The following GOLM2 variants were observed in gnomAD, a reference collection of about 807,000 sequenced individuals.
GOLM2 encodes golgi membrane protein 2.
Under a neutral mutation model 55.9 loss-of-function variants are expected in GOLM2, and 26 were observed. The ratio of observed to expected loss-of-function variants is 0.47; its 90% CI spans 0.34 to 0.65. The LOEUF (loss-of-function observed/expected upper bound fraction) is 0.65, where lower values mean the gene tolerates loss of function less well. GOLM2 is among the 30% of genes least tolerant of loss of function. The pLI is 0.01. For missense variants in GOLM2, 486 were observed against 531.8 expected (o/e 0.91, Z 0.85); for synonymous variants, 165 against 194.6 (o/e 0.85, Z 1.27).
At chr15:44,359,589 A>AAAACAAAC (rs201500531) in intron 6 of GOLM2, among the ~76,000 whole-genome samples, 1 of 152,158 alleles carries the variant, frequency 6.6e-6, no homozygotes, top group East Asian at 1.9e-4. Flanking sequence ...CTCCGTCTCA[A>AAAACAAAC]AAACAAACAA....
chr15:44,312,364 T>C (rs1266768374), intron 1 of GOLM2, among the ~76,000 whole-genome samples: 1 of 152,092 alleles, frequency 6.6e-6, no homozygotes, highest in African/African-American at 2.4e-5. Flanking sequence ...CCATTTAAAC[T>C]TTTTTTCTCC....
chr15:44,360,108 G>T (rs574217379), intron 6 of GOLM2, among the ~76,000 whole-genome samples: 2 of 152,280 alleles, frequency 1.3e-5, no homozygotes, highest in Admixed American at 1.3e-4. Context: ...ATGCCAAAAT[G>T]TAAAGACCAT....
chr15:44,366,296 CA>C lies in GOLM2; in HGVS notation c.803-13376del, dbSNP rs34413737. Among the ~76,000 whole-genome samples, 249 of 55,512 alleles carry C rather than the reference CA, an allele frequency of 4.5e-3. 1 individual carries two copies. The highest frequency in any genetic ancestry group is 0.023 in the South Asian group (42 of 1,816). 36.4% of individuals were successfully genotyped at this position (55,512 alleles called of 152,430 possible). A position where few individuals can be genotyped will look rare whatever the true frequency, so the allele number is the denominator to read the frequency against. ...TGGGCAACAGAGCGAGACTCCGTCT[CA>C]AAAAAAAAAAAAAAAAACAAAACAA... On this transcript the variant is annotated intron_variant, in intron 6 of 9. Coordinates refer to ENST00000299957, the MANE Select transcript of GOLM2 (RefSeq NM_138423.4).
chr15:44,320,159 C>G lies in GOLM2; in HGVS notation c.328-2806C>G, dbSNP rs143342080. On this transcript the variant is annotated intron_variant, in intron 1 of 9. Transcript: ENST00000299957. ...TTTACCTATTCTGTACATTTCATAT[C>G]AATGCTATCAGATAATATTTGAACT... Among the ~76,000 whole-genome samples the G allele has an allele frequency of 3.5e-3, 531 of 152,288 alleles. 3 individuals carry two copies. The highest frequency in any genetic ancestry group is 5.6e-3 in the Non-Finnish European group (383 of 68,030).
chr15:44,359,383 C>T (rs1226852344), intron 6 of GOLM2, among the ~76,000 whole-genome samples: 4 of 151,900 alleles, frequency 2.6e-5, no homozygotes, highest in Non-Finnish European at 4.4e-5. Context: ...TTCAGGAGAT[C>T]GAGACCATCC....
chr15:44,364,246 C>T (rs1185599199), intron 6 of GOLM2, among the ~76,000 whole-genome samples: 2 of 152,042 alleles, frequency 1.3e-5, no homozygotes, highest in East Asian at 1.9e-4. Flanking sequence ...AAAACAAGCT[C>T]GGTATGGTGG....
At chr15:44,403,764 T>C (rs865897426) in intron 9 of GOLM2, among the ~76,000 whole-genome samples, 1 of 152,212 alleles carries the variant, frequency 6.6e-6, no homozygotes, top group African/African-American at 2.4e-5. Context: ...GGTAGCTTTT[T>C]CGTTATAAGG....
At chr15:44,377,094 T>G (rs1336872656) in intron 6 of GOLM2, among the ~76,000 whole-genome samples, 1 of 152,154 alleles carries the variant, frequency 6.6e-6, no homozygotes, top group Non-Finnish European at 1.5e-5. Flanking sequence ...TTTTGGGAGC[T>G]GGGCATGATG....
At chr15:44,342,209 T>C (rs755572767) in intron 6 of GOLM2, among the ~76,000 whole-genome samples, 3 of 152,038 alleles carry the variant, frequency 2.0e-5, no homozygotes, top group Non-Finnish European at 4.4e-5. Flanking sequence ...TTTTCTACAT[T>C]GTCATGGCAT....
intron 6 of GOLM2, 135 bp downstream of exon 6, chr15:44,338,452 A>C (rs1426954504): frequency 1.6e-6 from 1 of 632,970 alleles, no homozygotes; most frequent in Non-Finnish European, 2.6e-6. Context: ...TTAAGTACCC[A>C]TTAATTGCCA....
chr15:44,321,654 C>T (rs965182098), intron 1 of GOLM2, among the ~76,000 whole-genome samples: 12 of 152,116 alleles, frequency 7.9e-5, no homozygotes, highest in African/African-American at 2.9e-4. Context: ...ACTGTAGTTA[C>T]ATAAGATGCA....
At chr15:44,382,920 C>CA (rs748415327) in intron 8 of GOLM2, among the ~76,000 whole-genome samples, 4,389 of 57,310 alleles carry the variant, frequency 0.077, 92 homozygotes, top group Middle Eastern at 0.16. Context: ...GAGACTCTGT[C>CA]AAAAAAAAAA....
intron 1 of GOLM2, among the ~76,000 whole-genome samples, chr15:44,320,300 T>G (rs186662876): frequency 1.1e-4 from 17 of 152,114 alleles, no homozygotes; most frequent in Non-Finnish European, 1.8e-4. Flanking sequence ...TTATATTTCA[T>G]TATTTATTTA....
intron 8 of GOLM2, among the ~76,000 whole-genome samples, chr15:44,385,412 G>A (rs1463567477): frequency 7.3e-6 from 1 of 136,784 alleles, no homozygotes; most frequent in Non-Finnish European, 1.5e-5. Context: ...CTTCTACCAT[G>A]TAGTACATAT....
At chr15:44,400,034 T>C (rs997039825) in intron 8 of GOLM2, among the ~76,000 whole-genome samples, 11 of 151,946 alleles carry the variant, frequency 7.2e-5, no homozygotes, top group African/African-American at 2.7e-4. Context: ...TTTTACTGCC[T>C]ATATTGACAT....
chr15:44,297,149 A>G lies in GOLM2; in HGVS notation c.327+7793A>G, dbSNP rs114194660. On this transcript the variant is annotated intron_variant, in intron 1 of 9. Coordinates refer to ENST00000299957, the MANE Select transcript of GOLM2 (RefSeq NM_138423.4). Reference sequence around the variant, plus strand: ...TATTGAGTGCTTCAACATGCAGAGGAGTTACTTGATCGAATTAAAAAAAAC... The same window carrying G: ...TATTGAGTGCTTCAACATGCAGAGGGGTTACTTGATCGAATTAAAAAAAAC... 3.1e-3 allele frequency among the ~76,000 whole-genome samples: 472 copies of G among 152,190 alleles called. 1 individual carries two copies. Among genetic ancestry groups the G allele is most frequent in the African/African-American group, 8.6e-3 (358 of 41,516 alleles).
At chr15:44,315,754 G>T (rs1309679464) in intron 1 of GOLM2, among the ~76,000 whole-genome samples, 2 of 152,140 alleles carry the variant, frequency 1.3e-5, no homozygotes, top group Non-Finnish European at 2.9e-5. Flanking sequence ...AGGATAATTG[G>T]CCTATTATAG....
intron 6 of GOLM2, among the ~76,000 whole-genome samples, chr15:44,373,099 A>G (rs147693048): frequency 1.3e-5 from 2 of 152,246 alleles, no homozygotes; most frequent in African/African-American, 4.8e-5. Context: ...CCCAACAAGA[A>G]TGTAAGCTTC....
At chr15:44,325,324 A>G (rs2078974094) in intron 2 of GOLM2, among the ~76,000 whole-genome samples, 1 of 152,188 alleles carries the variant, frequency 6.6e-6, no homozygotes, top group South Asian at 2.1e-4. Flanking sequence ...TAAAACTCAT[A>G]TTAATGTTTT....
Sources: gnomAD v4.1 joint callset for allele counts (sites outside exome capture counted in the v4.1 genomes callset) on GRCh38, gnomAD v4.1.1 for gene constraint, MANE v1.5 for transcripts, NCBI Gene and HGNC (gene_info 2026-07-23, HGNC 2026-07-21) for gene names.